TMEM154: variants seen among roughly 807,000 people sequenced by gnomAD.
The protein encoded by TMEM154 is transmembrane protein 154.
Under a neutral mutation model 24.5 loss-of-function variants are expected in TMEM154, and 27 were observed. The ratio of observed to expected loss-of-function variants is 1.10; its 90% CI spans 0.81 to 1.52. The LOEUF is 1.52. TMEM154 is among the 40% of genes most tolerant of loss of function. The pLI is 0.00. For missense variants in TMEM154, 228 were observed against 213.4 expected, an observed-to-expected ratio of 1.07 and a Z score of -0.43; for synonymous variants, 67 against 76.8, an observed-to-expected ratio of 0.87 and a Z score of 0.67.
intron 1 of TMEM154, among the ~76,000 whole-genome samples, chr4:152,675,980 T>C (rs1007426729): frequency 6.6e-6 from 1 of 152,150 alleles, no homozygotes; most frequent in Non-Finnish European, 1.5e-5. Context: ...GAGTATTTGG[T>C]CGTAATGGCC....
intron 1 of TMEM154, 105 bp from the exon 2 acceptor site, chr4:152,653,032 G>A: frequency 1.6e-6 from 2 of 1,242,450 alleles, no homozygotes. Context: ...TGATAAATTT[G>A]ACCCACTATA....
intron 6 of TMEM154, among the ~76,000 whole-genome samples, chr4:152,634,202 A>T (rs1752105427): frequency 6.6e-6 from 1 of 152,180 alleles, no homozygotes; most frequent in Admixed American, 6.5e-5. Flanking sequence ...GGACTGATGC[A>T]ACTGTAATAC....
chr4:152,655,203 C>T (rs915163418), intron 1 of TMEM154, among the ~76,000 whole-genome samples: 1 of 152,224 alleles, frequency 6.6e-6, no homozygotes, highest in Non-Finnish European at 1.5e-5. Context: ...TAATAGACAA[C>T]ACTTAAAGCA....
Position 152,640,987 on chromosome 4 carries a change from T to A in TMEM154, c.479-2A>T. On this transcript the variant is annotated splice_acceptor_variant, in intron 5 of 6. Coordinates refer to ENST00000304385, the MANE Select transcript of TMEM154 (RefSeq NM_152680.3). LOFTEE classifies it high-confidence loss of function. The stretch of plus-strand genomic sequence containing the variant: ...AGGTAGGTAAACATTCAAAGTCGGC[T>A]AGGACAGAATAAAAGCAAACTCATT... 1 of 1,607,600 alleles carries A rather than the reference T, an allele frequency of 6.2e-7. No homozygotes were observed. Among genetic ancestry groups the A allele is most frequent in the Non-Finnish European group, 8.5e-7 (1 of 1,177,548 alleles).
At chr4:152,667,950 C>G (rs1728753299) in intron 1 of TMEM154, among the ~76,000 whole-genome samples, 1 of 152,240 alleles carries the variant, frequency 6.6e-6, no homozygotes, top group Non-Finnish European at 1.5e-5. Flanking sequence ...CTGTAATTTA[C>G]TATCAGATTA....
Position 152,620,375 on chromosome 4 carries a change from T to C in TMEM154, c.*8171A>G, listed in dbSNP as rs1426553264. On this transcript the variant is annotated 3_prime_UTR_variant, in exon 7 of 7. Coordinates refer to ENST00000304385, the MANE Select transcript of TMEM154 (RefSeq NM_152680.3). ...AGCCCTGGCTTTTTTCTCAGCATGA[T>C]AGACCATTACTTCTGGGCCTAGGGT... 6.6e-6 allele frequency: 1 copy of C among 152,256 alleles called. No homozygotes were observed. Among genetic ancestry groups the C allele is most frequent in the East Asian group, 1.9e-4 (1 of 5,192 alleles). The allele number at this position is 152,256 out of a possible 1,614,324, so 9.4% of individuals were successfully genotyped here. A position where few individuals can be genotyped will look rare whatever the true frequency, so the allele number is the denominator to read the frequency against.
At chr4:152,657,331 T>C (rs190217523) in intron 1 of TMEM154, among the ~76,000 whole-genome samples, 5 of 151,580 alleles carry the variant, frequency 3.3e-5, no homozygotes, top group East Asian at 1.9e-4. Context: ...CTGGGCAACA[T>C]GGCAAAACTC....
chr4:152,653,575 AG>A lies in TMEM154; in HGVS notation c.65-649del, dbSNP rs562220508. Among the ~76,000 whole-genome samples, 38 of 151,582 alleles carry A rather than the reference AG, an allele frequency of 2.5e-4. No homozygotes were observed. In the South Asian group the frequency reaches 6.9e-3, roughly 28 times the overall value. ...CAGCTAATTTTTGTATTTTTAGTAG[AG>A]ACAGGGTTTCACCATGTTGGCCAGG... is the stretch of plus-strand genomic sequence containing the variant. On this transcript the variant is annotated intron_variant, in intron 1 of 6. Transcript: ENST00000304385.
chr4:152,658,967 A>G (rs189093285), intron 1 of TMEM154, among the ~76,000 whole-genome samples: 1 of 152,320 alleles, frequency 6.6e-6, no homozygotes, highest in African/African-American at 2.4e-5. Context: ...TTTCTCAAAA[A>G]ACTAACAAGA....
chr4:152,644,246 TG>T (rs1752310996), intron 4 of TMEM154, among the ~76,000 whole-genome samples, 168 bp downstream of exon 4: 1 of 152,192 alleles, frequency 6.6e-6, no homozygotes, highest in South Asian at 2.1e-4. Context: ...GGATAGGGTT[TG>T]GGGATGCCAG....
At chr4:152,629,195 C>T (rs764044035) in intron 6 of TMEM154, among the ~76,000 whole-genome samples, 2 of 152,208 alleles carry the variant, frequency 1.3e-5, no homozygotes, top group Non-Finnish European at 2.9e-5. Flanking sequence ...GGGGGTTCCC[C>T]GTTTAATAAA....
At chr4:152,665,029 A>G (rs1728688730) in intron 1 of TMEM154, among the ~76,000 whole-genome samples, 2 of 152,212 alleles carry the variant, frequency 1.3e-5, no homozygotes, top group African/African-American at 4.8e-5. Context: ...AGAATCACTG[A>G]GGCATCTTTC....
At chr4:152,653,391 T>TTC (rs1491442109) in intron 1 of TMEM154, among the ~76,000 whole-genome samples, 2 of 36,792 alleles carry the variant, frequency 5.4e-5, no homozygotes, top group Non-Finnish European at 1.5e-4. Flanking sequence ...TGTGTCCTAA[T>TTC]TTTTTTTTTT....
At chr4:152,663,605 A>T (rs1053294296) in intron 1 of TMEM154, among the ~76,000 whole-genome samples, 3 of 152,244 alleles carry the variant, frequency 2.0e-5, no homozygotes, top group East Asian at 3.8e-4. Context: ...GCCAAGTCAC[A>T]GTCATCTCAA....
chr4:152,644,498 T>A, intron 3 of TMEM154, 56 bp from the exon 4 acceptor site: 1 of 1,558,046 alleles, frequency 6.4e-7, no homozygotes, highest in East Asian at 2.2e-5. Context: ...TAACAACTTT[T>A]AATTTCAACA....
intron 1 of TMEM154, 117 bp from the exon 2 acceptor site, chr4:152,653,044 T>C: frequency 9.2e-7 from 1 of 1,090,614 alleles, no homozygotes; most frequent in East Asian, 2.6e-5. Flanking sequence ...CCCACTATAC[T>C]TGGCCTCCAA....
chr4:152,630,413 C>G (rs976422401), intron 6 of TMEM154, among the ~76,000 whole-genome samples: 8 of 151,864 alleles, frequency 5.3e-5, no homozygotes, highest in Admixed American at 4.6e-4. Flanking sequence ...ATATGACAAC[C>G]CCTTTCACTT....
At chr4:152,638,414 G>C (rs1752189570) in intron 6 of TMEM154, among the ~76,000 whole-genome samples, 1 of 152,220 alleles carries the variant, frequency 6.6e-6, no homozygotes, top group Non-Finnish European at 1.5e-5. Flanking sequence ...AGGATTGGTA[G>C]GTCCAGAAAG....
In TMEM154 at chr4:152,648,276, A is replaced by C. The variant is rs140166693; in HGVS notation, c.365-3834T>G. On this transcript the variant is annotated intron_variant, in intron 3 of 6. Transcript: ENST00000304385. ...GGTGGGAGGATCACTTGAGCCTAGG[A>C]GTTTGAGACTTGCCTGAGCAACATA... Among the ~76,000 whole-genome samples, 3 of 152,280 alleles carry C rather than the reference A, an allele frequency of 2.0e-5. No homozygotes were observed. The East Asian group carries it at 5.8e-4, about 29-fold the overall frequency.
Sources: gnomAD v4.1 joint callset for allele counts (sites outside exome capture counted in the v4.1 genomes callset) on GRCh38, gnomAD v4.1.1 for gene constraint, MANE v1.5 for transcripts, NCBI Gene and HGNC (gene_info 2026-07-23, HGNC 2026-07-21) for gene names.